The following RNF17 variants were observed in gnomAD, a reference collection of about 807,000 sequenced individuals.
RNF17 encodes ring finger protein 17.
A neutral mutation model predicts 200.5 loss-of-function variants in RNF17; 31 were observed. That is an observed-to-expected ratio of 0.15 (90% CI 0.12 to 0.21). The LOEUF is 0.21. Ranked by LOEUF, RNF17 falls within the 10% of genes least tolerant of loss-of-function variation. The pLI, the probability that RNF17 is intolerant of heterozygous loss-of-function variation, is 1.00. For missense variants in RNF17, 1,628 were observed against 1,905.1 expected, an observed-to-expected ratio of 0.85 and a Z score of 2.71; for synonymous variants, 606 against 637.8, an observed-to-expected ratio of 0.95 and a Z score of 0.75.
intron 22 of RNF17, 86 bp from the exon 23 acceptor site, chr13:24,850,255 A>G: frequency 1.3e-6 from 1 of 778,266 alleles, no homozygotes; most frequent in Non-Finnish European, 2.2e-6. Flanking sequence ...CTATGAGTGT[A>G]TCTGTGTGTA....
rs1593337569 is a variant in RNF17 at position 24,819,592 on chromosome 13, A to G, written c.2092-6027A>G. Among the ~76,000 whole-genome samples, 2 of 152,230 alleles carry G rather than the reference A, an allele frequency of 1.3e-5. 1 individual carries two copies. The highest frequency in any genetic ancestry group is 4.1e-4 in the South Asian group (2 of 4,832). The stretch of plus-strand genomic sequence containing the variant: ...TAACATCCTAAAGTTATAACAATCC[A>G]ATATGAGTTAATACCAACATAATTT... On this transcript the variant is annotated intron_variant, in intron 15 of 35. Transcript: ENST00000255324.
chr13:24,785,268 T>A (rs530733469), intron 6 of RNF17, among the ~76,000 whole-genome samples: 1 of 152,346 alleles, frequency 6.6e-6, no homozygotes, highest in African/African-American at 2.4e-5. Context: ...AATTTTGTGT[T>A]CTTGCTTCAT....
intron 22 of RNF17, among the ~76,000 whole-genome samples, chr13:24,845,872 G>A (rs1593415074): frequency 6.6e-6 from 1 of 152,094 alleles, no homozygotes; most frequent in African/African-American, 2.4e-5. Flanking sequence ...AAATTGCTGG[G>A]AATAGACTTC....
downstream of RNF17, among the ~76,000 whole-genome samples, chr13:24,880,524 A>T (rs1953786017): frequency 6.6e-6 from 1 of 152,158 alleles, no homozygotes; most frequent in African/African-American, 2.4e-5. Context: ...GTATTTTTTA[A>T]TGTATCTGCT....
upstream of RNF17, among the ~76,000 whole-genome samples, chr13:24,762,275 CAGG>C (rs1878814268): frequency 6.8e-6 from 1 of 147,338 alleles, no homozygotes; most frequent in African/African-American, 2.5e-5. Context: ...GAGGCTGAGA[CAGG>C]AGAATTGCTT....
At chr13:24,806,917 C>T (rs1346909366) in intron 15 of RNF17, among the ~76,000 whole-genome samples, 82 of 150,602 alleles carry the variant, frequency 5.4e-4, no homozygotes, top group Admixed American at 4.6e-4. Flanking sequence ...TTTGTTCTTG[C>T]GATAGTTTAC....
downstream of RNF17, chr13:24,883,835 T>C (rs1426570291): frequency 2.1e-6 from 2 of 975,602 alleles, no homozygotes; most frequent in Non-Finnish European, 3.3e-6. Flanking sequence ...TGTGGGACAT[T>C]CATTCAAACT....
chr13:24,859,276 G>A (rs1892842783), intron 26 of RNF17, 112 bp downstream of exon 26: 1 of 775,914 alleles, frequency 1.3e-6, no homozygotes, highest in African/African-American at 1.7e-5. Context: ...GATGAAAATT[G>A]TGTAGGAAGA....
chr13:24,779,430 T>C (rs1431461337), intron 4 of RNF17, among the ~76,000 whole-genome samples: 8 of 152,160 alleles, frequency 5.3e-5, no homozygotes, highest in African/African-American at 1.7e-4. Context: ...TAAAAAAATA[T>C]CTTTATGAAA....
At chr13:24,858,025 G>A (rs1285936366) in intron 25 of RNF17, among the ~76,000 whole-genome samples, 1 of 145,056 alleles carries the variant, frequency 6.9e-6, no homozygotes, top group African/African-American at 2.9e-5. Context: ...TTAGGCTTAT[G>A]TGCAAATGCT....
rs774012618 is a variant in RNF17 at position 24,861,270 on chromosome 13, A to G, written c.3777A>G (p.Val1259=). Residue 1259 remains valine (V), a splice_region_variant and synonymous_variant, in exon 27 of 36, where the codon GTA becomes GTG. Coordinates refer to ENST00000255324, the MANE Select transcript of RNF17 (RefSeq NM_031277.3). The stretch of plus-strand genomic sequence containing the variant: ...AAATTGTATTTGTCGTGTTTCAGGT[A>G]CAATATTTAGATCATGGATTCACTG... ...VMEVVGGAVR[V]QYLDHGFTEK... The G allele has an allele frequency of 2.5e-6, 4 of 1,589,636 alleles. No homozygotes were observed. Among genetic ancestry groups the G allele is most frequent in the Non-Finnish European group, 3.4e-6 (4 of 1,165,192 alleles).
intron 20 of RNF17, among the ~76,000 whole-genome samples, 191 bp from the exon 21 acceptor site, chr13:24,844,461 G>A (rs140583263): frequency 6.6e-6 from 1 of 152,242 alleles, no homozygotes; most frequent in Non-Finnish European, 1.5e-5. Context: ...AGTGTCTGAG[G>A]GAAGTTTATC....
intron 14 of RNF17, among the ~76,000 whole-genome samples, chr13:24,802,970 G>A (rs1231811716): frequency 2.0e-5 from 3 of 152,176 alleles, no homozygotes; most frequent in African/African-American, 7.2e-5. Context: ...TGAGGTGGGA[G>A]GTTTGCTTGA....
At chr13:24,885,992 G>A in the RNF17 span, 1 of 402,996 alleles carries the variant, frequency 2.5e-6, no homozygotes, top group East Asian at 5.7e-5. Context: ...TCTAAGACCT[G>A]TGGAATTTGG....
At position 24,789,416 on chromosome 13, in the gene RNF17, C is replaced by A. The variant is rs759423588; in HGVS notation, c.852C>A (p.Asn284Lys). ...AAGTTAGTTCTCCACAACTAAGGAACCCTCCCAGGTAAGTAAGTCATAGTT... is the reference window on the plus strand; with the variant it reads ...AAGTTAGTTCTCCACAACTAAGGAAACCTCCCAGGTAAGTAAGTCATAGTT... ...LAQVSSPQLR[N>K]PPRLSVNCSE... Residue 284 changes from asparagine (N) to lysine (K), a missense_variant, in exon 8 of 36, where the codon AAC (asparagine) becomes AAA (lysine). Physicochemically the swap from Asn to Lys is moderately conservative, Grantham distance 94 (BLOSUM62 0). Around this residue, in one of 5 missense-constraint regions of RNF17, gnomAD observed 502 missense variants for 501.7 expected, o/e 1.00. Coordinates refer to ENST00000255324, the MANE Select transcript of RNF17 (RefSeq NM_031277.3). 1 of 1,594,662 alleles carries A rather than the reference C, an allele frequency of 6.3e-7. No individual in the cohort carries two copies.
intron 3 of RNF17, among the ~76,000 whole-genome samples, chr13:24,775,202 G>A (rs375388414): frequency 2.6e-5 from 4 of 151,978 alleles, no homozygotes; most frequent in Admixed American, 6.5e-5. Context: ...AAGTTATAGA[G>A]AAAAAAAGTA....
At chr13:24,792,929 A>G (rs1248908222) in intron 9 of RNF17, 113 bp from the exon 10 acceptor site, 1 of 720,078 alleles carries the variant, frequency 1.4e-6, no homozygotes, top group Non-Finnish European at 2.2e-6. Context: ...CTATTGAATA[A>G]TCATGCCCAA....
At chr13:24,859,251 A>C (rs186382525) in intron 26 of RNF17, 87 bp downstream of exon 26, 4 of 925,684 alleles carry the variant, frequency 4.3e-6, no homozygotes, top group Non-Finnish European at 6.1e-6. Context: ...AGAAAGTTGG[A>C]TTAAAACATC....
chr13:24,823,922 C>G (rs1888358632), intron 15 of RNF17, among the ~76,000 whole-genome samples: 1 of 152,162 alleles, frequency 6.6e-6, no homozygotes, highest in Admixed American at 6.5e-5. Flanking sequence ...TTATATGAAA[C>G]AAAAACTAGC....
Sources: gnomAD v4.1 joint callset for allele counts (sites outside exome capture counted in the v4.1 genomes callset) on GRCh38, gnomAD v4.1.1 for gene constraint, gnomAD v4.1.1 regional missense constraint, MANE v1.5 for transcripts, NCBI Gene and HGNC (gene_info 2026-07-23, HGNC 2026-07-21) for gene names.